NALF1: variants seen among roughly 807,000 people sequenced by gnomAD.
The protein encoded by NALF1 is NALCN channel auxiliary factor 1, also known as family with sequence similarity 155 member A.
A neutral mutation model predicts 48.4 loss-of-function variants in NALF1; 3 were observed. That is an observed-to-expected ratio of 0.06 (90% CI 0.03 to 0.16). The LOEUF is 0.16. NALF1 is among the 10% of genes least tolerant of loss of function. The pLI, the probability that NALF1 is intolerant of heterozygous loss-of-function variation, is 1.00. For synonymous variants in NALF1, 262 were observed against 245.7 expected (o/e 1.07, Z -0.62); for missense variants, 526 against 571.5 (o/e 0.92, Z 0.81).
intron 1 of NALF1, among the ~76,000 whole-genome samples, chr13:107,217,710 C>T (rs538381149): frequency 1.3e-5 from 2 of 152,226 alleles, no homozygotes; most frequent in African/African-American, 2.4e-5. Flanking sequence ...TCAATCACCA[C>T]GCCCTGTGAG....
intron 1 of NALF1, among the ~76,000 whole-genome samples, chr13:107,760,682 G>A (rs2138560993): frequency 6.6e-6 from 1 of 152,306 alleles, no homozygotes; most frequent in Non-Finnish European, 1.5e-5. Flanking sequence ...CACCTTTAAA[G>A]TTTTAAATGT....
At chr13:107,699,373 G>A (rs1294015008) in intron 1 of NALF1, among the ~76,000 whole-genome samples, 1 of 152,058 alleles carries the variant, frequency 6.6e-6, no homozygotes, top group African/African-American at 2.4e-5. Flanking sequence ...AGAGGACCAA[G>A]TCTTAAATAG....
At chr13:107,628,720 C>T (rs1381544489) in intron 1 of NALF1, among the ~76,000 whole-genome samples, 2 of 152,142 alleles carry the variant, frequency 1.3e-5, no homozygotes, top group Non-Finnish European at 2.9e-5. Context: ...ACATAGAATG[C>T]CAAATGGCAT....
Position 107,435,547 on chromosome 13 carries a change from G to A in NALF1, c.916-224792C>T, listed in dbSNP as rs886967082. Reference sequence around the variant, plus strand: ...TGAAATAATTACATTTTAACTTGCTGACAAACCTATCAGTTTCAATGCAGT... The same window carrying A: ...TGAAATAATTACATTTTAACTTGCTAACAAACCTATCAGTTTCAATGCAGT... On this transcript the variant is annotated intron_variant, in intron 1 of 2. Transcript: ENST00000375915. Among the ~76,000 whole-genome samples the A allele has an allele frequency of 2.6e-5, 4 of 152,076 alleles. No individual in the cohort carries two copies. The East Asian group carries it at 5.8e-4, about 22-fold the overall frequency.
chr13:107,734,032 A>T (rs1280089381), intron 1 of NALF1, among the ~76,000 whole-genome samples: 2 of 152,182 alleles, frequency 1.3e-5, no homozygotes, highest in Admixed American at 1.3e-4. Context: ...AGGCAACGGC[A>T]AAACAGTGGT....
At chr13:107,645,689 A>C (rs1880297826) in intron 1 of NALF1, among the ~76,000 whole-genome samples, 2 of 19,182 alleles carry the variant, frequency 1.0e-4, no homozygotes, top group Non-Finnish European at 1.5e-4. Context: ...ACAAAAAAAA[A>C]AAAAAAAAAA....
intron 1 of NALF1, among the ~76,000 whole-genome samples, chr13:107,662,819 G>C (rs1264919339): frequency 6.6e-6 from 1 of 152,094 alleles, no homozygotes; most frequent in Non-Finnish European, 1.5e-5. Context: ...TTTTACAGAG[G>C]CTCAATGAAC....
At chr13:107,809,726 C>G (rs1474271735) in intron 1 of NALF1, among the ~76,000 whole-genome samples, 3 of 152,020 alleles carry the variant, frequency 2.0e-5, no homozygotes, top group African/African-American at 7.2e-5. Flanking sequence ...CACTTTATAT[C>G]CTCATCATGT....
chr13:107,242,833 G>A (rs1206222945), intron 1 of NALF1, among the ~76,000 whole-genome samples: 3 of 151,998 alleles, frequency 2.0e-5, no homozygotes, highest in Admixed American at 1.3e-4. Context: ...TGTTGGACAG[G>A]TGAGCTCTCA....
At chr13:107,805,092 T>G (rs1398007213) in intron 1 of NALF1, among the ~76,000 whole-genome samples, 1 of 152,136 alleles carries the variant, frequency 6.6e-6, no homozygotes, top group Non-Finnish European at 1.5e-5. Context: ...CATAAGATAA[T>G]CACTCTCAAG....
intron 1 of NALF1, among the ~76,000 whole-genome samples, chr13:107,740,262 G>T (rs1440806477): frequency 1.3e-5 from 2 of 151,980 alleles, no homozygotes; most frequent in Non-Finnish European, 2.9e-5. Flanking sequence ...AGAAAACTAG[G>T]CATTTTCCAA....
At chr13:107,809,038 G>A (rs993181044) in intron 1 of NALF1, among the ~76,000 whole-genome samples, 1 of 152,056 alleles carries the variant, frequency 6.6e-6, no homozygotes, top group Non-Finnish European at 1.5e-5. Context: ...GACTAAAGAA[G>A]AAACAACTCA....
At chr13:107,568,390 A>G (rs113939637) in intron 1 of NALF1, among the ~76,000 whole-genome samples, 3 of 152,346 alleles carry the variant, frequency 2.0e-5, no homozygotes, top group African/African-American at 4.8e-5. Context: ...AGGGGCTATC[A>G]CAAATACAGC....
chr13:107,330,746 C>A (rs567294398), intron 1 of NALF1, among the ~76,000 whole-genome samples: 1 of 152,304 alleles, frequency 6.6e-6, no homozygotes, highest in African/African-American at 2.4e-5. Flanking sequence ...AACAGCTGAA[C>A]TGCATATTTC....
chr13:107,419,496 C>T (rs550779360), intron 1 of NALF1, among the ~76,000 whole-genome samples: 18 of 152,136 alleles, frequency 1.2e-4, no homozygotes, highest in African/African-American at 2.9e-4. Flanking sequence ...TTGCAAGAGG[C>T]GGTAGATTTC....
At chr13:107,391,177 C>T (rs1883620869) in intron 1 of NALF1, among the ~76,000 whole-genome samples, 1 of 152,032 alleles carries the variant, frequency 6.6e-6, no homozygotes, top group Admixed American at 6.6e-5. Context: ...GGGATAAAGT[C>T]CAAGATGGGT....
intron 1 of NALF1, among the ~76,000 whole-genome samples, chr13:107,680,809 GGT>G (rs1881278959): frequency 6.8e-6 from 1 of 148,106 alleles, no homozygotes; most frequent in Non-Finnish European, 1.5e-5. Flanking sequence ...GAGGGTGAGT[GGT>G]GTGAGTGTAT....
intron 1 of NALF1, among the ~76,000 whole-genome samples, chr13:107,435,136 C>T (rs937258480): frequency 6.6e-6 from 1 of 151,980 alleles, no homozygotes; most frequent in Non-Finnish European, 1.5e-5. Context: ...TGTAATTTGG[C>T]CTCTATAAGA....
intron 1 of NALF1, among the ~76,000 whole-genome samples, chr13:107,746,168 G>A (rs549511270): frequency 6.6e-6 from 1 of 152,288 alleles, no homozygotes; most frequent in East Asian, 1.9e-4. Flanking sequence ...TGGATAAAGT[G>A]AAGATATAAA....
Sources: allele counts gnomAD v4.1 joint callset (sites outside exome capture counted in the v4.1 genomes callset), GRCh38; gene constraint gnomAD v4.1.1; transcripts MANE v1.5; gene names NCBI Gene and HGNC (gene_info 2026-07-23, HGNC 2026-07-21).